Variants in DHTKD1 observed in about 807,000 individuals in gnomAD.
The protein encoded by DHTKD1 is dehydrogenase E1 and transketolase domain containing 1.
In DHTKD1, 78 loss-of-function variants were observed where a neutral mutation model predicts 101.8. The ratio of observed to expected loss-of-function variants is 0.77; its 90% CI spans 0.64 to 0.93. The LOEUF (loss-of-function observed/expected upper bound fraction) is 0.93. DHTKD1 is among the 40% of genes least tolerant of loss of function. The pLI, the probability that DHTKD1 is intolerant of heterozygous loss-of-function variation, is 0.00. For missense variants in DHTKD1, 1,223 were observed against 1,161.7 expected, an observed-to-expected ratio of 1.05 and a Z score of -0.77; for synonymous variants, 462 against 450.3, an observed-to-expected ratio of 1.03 and a Z score of -0.33.
intron 13 of DHTKD1, chr10:12,116,312 G>T (rs941750558): frequency 1.3e-5 from 2 of 152,042 alleles, no homozygotes; most frequent in East Asian, 1.9e-4. Flanking sequence ...TGTCATCCTT[G>T]TGCAGGGGCC....
intron 1 of DHTKD1, among the ~76,000 whole-genome samples, chr10:12,075,340 G>A (rs1832709468): frequency 6.6e-6 from 1 of 152,060 alleles, no homozygotes; most frequent in Non-Finnish European, 1.5e-5. Flanking sequence ...CGCCATGCCC[G>A]GCTAATTTCT....
At chr10:12,084,868 T>C in intron 3 of DHTKD1, 117 bp downstream of exon 3, 1 of 780,034 alleles carries the variant, frequency 1.3e-6, no homozygotes, top group South Asian at 1.6e-5. Context: ...CTGACCAACA[T>C]GGAGAAACCC....
At chr10:12,094,340 T>C (rs1833036766) in intron 7 of DHTKD1, 69 bp downstream of exon 7, 1 of 1,408,414 alleles carries the variant, frequency 7.1e-7, no homozygotes, top group Admixed American at 1.8e-5. Context: ...TCTTTTGAGA[T>C]GGAGTCTTGC....
chr10:12,076,291 C>T (rs891004775), intron 1 of DHTKD1, among the ~76,000 whole-genome samples: 1 of 152,216 alleles, frequency 6.6e-6, no homozygotes, highest in Non-Finnish European at 1.5e-5. Flanking sequence ...TCCTGGCTAA[C>T]ACGGTGAAAC....
At chr10:12,078,356 C>CA (rs1382282858) in intron 1 of DHTKD1, among the ~76,000 whole-genome samples, 1 of 151,894 alleles carries the variant, frequency 6.6e-6, no homozygotes, top group East Asian at 1.9e-4. Flanking sequence ...ACCTGGGAAA[C>CA]AGAGGTTGCA....
At chr10:12,108,508 G>A (rs968767563) in intron 12 of DHTKD1, among the ~76,000 whole-genome samples, 2 of 152,072 alleles carry the variant, frequency 1.3e-5, no homozygotes, top group African/African-American at 4.8e-5. Flanking sequence ...TGAAACTCCT[G>A]GCCTCAAGTG....
At chr10:12,075,315 G>A (rs1276222292) in intron 1 of DHTKD1, among the ~76,000 whole-genome samples, 1 of 152,048 alleles carries the variant, frequency 6.6e-6, no homozygotes, top group African/African-American at 2.4e-5. Flanking sequence ...AGTAGCTGGG[G>A]TTGCAGGTGC....
chr10:12,106,487 G>T (rs974155271), intron 11 of DHTKD1, 91 bp downstream of exon 11: 1 of 1,513,990 alleles, frequency 6.6e-7, no homozygotes, highest in Non-Finnish European at 9.1e-7. Flanking sequence ...GGCCACTGCT[G>T]CCTTGAGACT....
chr10:12,116,057 A>G (rs1352686967), intron 13 of DHTKD1, among the ~76,000 whole-genome samples: 2 of 151,784 alleles, frequency 1.3e-5, no homozygotes, highest in Non-Finnish European at 2.9e-5. Flanking sequence ...CAGCCTCCCA[A>G]GTAGCTGGGA....
At chr10:12,076,975 TAA>T (rs61096299) in intron 1 of DHTKD1, among the ~76,000 whole-genome samples, 5 of 61,832 alleles carry the variant, frequency 8.1e-5, no homozygotes, top group African/African-American at 1.7e-4. Context: ...CTGTTTCTGA[TAA>T]AAAAAAAAAA....
intron 2 of DHTKD1, among the ~76,000 whole-genome samples, chr10:12,082,724 A>T (rs9423860): frequency 0.99 from 150,360 of 152,112 alleles, 74,352 homozygotes; most frequent in East Asian, 1. Flanking sequence ...TGGAAAACAT[A>T]AAGCGACATG....
chr10:12,090,305 TGTA>T (rs953092858), intron 5 of DHTKD1, among the ~76,000 whole-genome samples: 7 of 152,180 alleles, frequency 4.6e-5, no homozygotes, highest in Admixed American at 6.6e-5. Context: ...GCCAGAAACT[TGTA>T]GTGAATAAAT....
chr10:12,080,710 GA>G (rs35514505), intron 1 of DHTKD1, among the ~76,000 whole-genome samples: 68,178 of 136,110 alleles, frequency 0.5, 17,865 homozygotes, highest in South Asian at 0.72. Flanking sequence ...GACAATGTCT[GA>G]AAAAAAAAAA....
chr10:12,115,530 A>T (rs1833402616), intron 13 of DHTKD1, among the ~76,000 whole-genome samples: 1 of 152,130 alleles, frequency 6.6e-6, no homozygotes, highest in Non-Finnish European at 1.5e-5. Context: ...GACTCACCCT[A>T]GCCTGGCCCT....
intron 3 of DHTKD1, among the ~76,000 whole-genome samples, chr10:12,085,914 A>C (rs898109862): frequency 6.6e-6 from 1 of 152,152 alleles, no homozygotes. Flanking sequence ...CTGTCCAAAA[A>C]AATAAAAAAA....
At chr10:12,088,471 T>TAA (rs796321437) in intron 4 of DHTKD1, among the ~76,000 whole-genome samples, 4 of 143,990 alleles carry the variant, frequency 2.8e-5, no homozygotes, top group African/African-American at 1.0e-4. Flanking sequence ...GATCCTGTCT[T>TAA]AAAAAAAAAA....
At chr10:12,085,508 G>T (rs1832883799) in intron 3 of DHTKD1, among the ~76,000 whole-genome samples, 1 of 151,952 alleles carries the variant, frequency 6.6e-6, no homozygotes, top group Non-Finnish European at 1.5e-5. Context: ...TGACCTATTG[G>T]CTCTCCTCAG....
Position 12,107,126 on chromosome 10 carries a change from A to G in DHTKD1, c.2047+730A>G, listed in dbSNP as rs111414142. ...CAGCCTCCCGAGTAGCTGGGACTACATAGGCGCTGGTCACCACGCCCGGCT... is the reference window on the plus strand; with the variant it reads ...CAGCCTCCCGAGTAGCTGGGACTACGTAGGCGCTGGTCACCACGCCCGGCT... On this transcript the variant is annotated intron_variant, in intron 11 of 16. Coordinates refer to ENST00000263035, the MANE Select transcript of DHTKD1 (RefSeq NM_018706.7). This position sits in a 1 kb window ranked among gnomAD's most constrained non-coding sequence, Gnocchi z 4.1. Among the ~76,000 whole-genome samples the G allele has an allele frequency of 2.0e-5, 3 of 151,822 alleles. No homozygotes were observed. Among genetic ancestry groups the G allele is most frequent in the African/African-American group, 7.2e-5 (3 of 41,392 alleles).
chr10:12,095,694 T>C (rs907001492), intron 7 of DHTKD1, among the ~76,000 whole-genome samples: 4 of 150,176 alleles, frequency 2.7e-5, no homozygotes, highest in African/African-American at 9.8e-5. Context: ...GCGCCTGTAG[T>C]CCCAGCTACT....
Sources: allele counts gnomAD v4.1 joint callset (sites outside exome capture counted in the v4.1 genomes callset), GRCh38; gene constraint gnomAD v4.1.1; non-coding constraint Gnocchi (gnomAD v3.1); transcripts MANE v1.5; gene names NCBI Gene and HGNC (gene_info 2026-07-23, HGNC 2026-07-21).